Variants in CHM observed in about 807,000 individuals in gnomAD.
The protein encoded by CHM is CHM Rab escort protein.
In CHM, 10 loss-of-function variants were observed where a neutral mutation model predicts 49.0. The observed-to-expected ratio is 0.20, with a 90% confidence interval of 0.13 to 0.35. The LOEUF is 0.35. Among genes scored for constraint, CHM ranks in the 10% least tolerant of loss-of-function variants. CHM has a pLI of 1.00. For synonymous variants in CHM, 184 were observed against 167.5 expected (o/e 1.10, Z -0.76); for missense variants, 455 against 478.4 (o/e 0.95, Z 0.46).
At chrX:86,003,301 G>A (rs748420575) in intron 2 of CHM, among the ~76,000 whole-genome samples, 1 of 112,242 alleles carries the variant, frequency 8.9e-6, no homozygotes, top group African/African-American at 3.2e-5. Context: ...ACAAAGATGG[G>A]GAGAAAGCAG....
chrX:85,964,606 C>T (rs1190991848), intron 4 of CHM, among the ~76,000 whole-genome samples: 1 of 111,557 alleles, frequency 9.0e-6, no homozygotes, highest in Non-Finnish European at 1.9e-5. Flanking sequence ...CTGAGGAATT[C>T]CTGACTTGGT....
intron 4 of CHM, among the ~76,000 whole-genome samples, chrX:85,972,656 G>A (rs1001602020): frequency 1.8e-5 from 2 of 112,695 alleles, no homozygotes; most frequent in African/African-American, 6.4e-5. Flanking sequence ...CTCCGAGTGC[G>A]GGGCCCGCCA....
chrX:85,998,268 A>G (rs1026419107), intron 2 of CHM, among the ~76,000 whole-genome samples: 3 of 111,848 alleles, frequency 2.7e-5, no homozygotes, highest in Non-Finnish European at 3.8e-5. Flanking sequence ...CTATTATGGC[A>G]TATTTTCACT....
chrX:86,011,144 C>T (rs1005166423), intron 2 of CHM, among the ~76,000 whole-genome samples: 8 of 111,462 alleles, frequency 7.2e-5, no homozygotes, highest in African/African-American at 2.6e-4. Flanking sequence ...GATATATAGA[C>T]ATATAAGACA....
intron 11 of CHM, 86 bp downstream of exon 11, chrX:85,900,560 T>A: frequency 1.7e-6 from 1 of 590,050 alleles, no homozygotes; most frequent in Non-Finnish European, 2.9e-6. Flanking sequence ...TTAGCTTGAG[T>A]GTAGTGATTA....
intron 2 of CHM, among the ~76,000 whole-genome samples, chrX:86,007,979 T>G (rs899997366): frequency 1.8e-5 from 2 of 112,219 alleles, no homozygotes; most frequent in Non-Finnish European, 3.8e-5. Flanking sequence ...GTGGCACTAT[T>G]CACAATAGCA....
intron 2 of CHM, among the ~76,000 whole-genome samples, chrX:86,025,945 A>G (rs1301371411): frequency 9.1e-6 from 1 of 110,452 alleles, no homozygotes; most frequent in Non-Finnish European, 1.9e-5. Context: ...GTGCAAGCTC[A>G]ACAAACAATA....
intron 2 of CHM, among the ~76,000 whole-genome samples, chrX:86,025,220 TATA>T: frequency 8.9e-6 from 1 of 112,068 alleles, no homozygotes; most frequent in Middle Eastern, 4.6e-3. Context: ...TTTATTATAC[TATA>T]ATGTCTTAAG....
At chrX:85,939,975 GA>G (rs776196752) in intron 8 of CHM, among the ~76,000 whole-genome samples, 15 of 111,606 alleles carry the variant, frequency 1.3e-4, no homozygotes, top group African/African-American at 4.9e-4. Flanking sequence ...CTACTATAAA[GA>G]ACTACCTGAG....
At chrX:85,956,936 A>G (rs1358053983) in intron 7 of CHM, among the ~76,000 whole-genome samples, 1 of 112,020 alleles carries the variant, frequency 8.9e-6, no homozygotes, top group African/African-American at 3.2e-5. Context: ...AACCAAGAAC[A>G]GAATATAATG....
intron 9 of CHM, among the ~76,000 whole-genome samples, 162 bp downstream of exon 9, chrX:85,911,099 C>T (rs1926900844): frequency 2.0e-5 from 1 of 50,450 alleles, no homozygotes; most frequent in African/African-American, 7.4e-5. Flanking sequence ...GCATTTTTCA[C>T]TTGTGTTTGG....
intron 2 of CHM, among the ~76,000 whole-genome samples, chrX:86,017,491 CTGATGGT>C (rs1276137174): frequency 9.0e-6 from 1 of 111,450 alleles, no homozygotes; most frequent in East Asian, 2.8e-4. Context: ...CTCACGAGAT[CTGATGGT>C]TTTAGCAGGC....
intron 2 of CHM, among the ~76,000 whole-genome samples, chrX:85,994,215 C>A (rs1473800356): frequency 8.9e-6 from 1 of 112,271 alleles, no homozygotes; most frequent in Non-Finnish European, 1.9e-5. Context: ...CTCTAAAACT[C>A]ATTTTCTTTA....
At chrX:86,025,686 A>AAAAG (rs1336819095) in intron 2 of CHM, among the ~76,000 whole-genome samples, 3 of 104,082 alleles carry the variant, frequency 2.9e-5, no homozygotes, top group Non-Finnish European at 5.8e-5. Flanking sequence ...CAAAAAAAAA[A>AAAAG]AAAGAAAGAA....
intron 8 of CHM, among the ~76,000 whole-genome samples, chrX:85,939,415 C>A (rs759486673): frequency 3.7e-4 from 41 of 112,173 alleles, no homozygotes; most frequent in Non-Finnish European, 6.2e-4. Context: ...ATATTTCTTC[C>A]ATATCAAAGA....
At chrX:86,025,837 T>C (rs765701827) in intron 2 of CHM, among the ~76,000 whole-genome samples, 195 of 111,042 alleles carry the variant, frequency 1.8e-3, no homozygotes, top group Admixed American at 3.2e-3. Flanking sequence ...ACATTCCCCA[T>C]TTGTCAAATT....
At chrX:85,937,857 A>C (rs1267777442) in intron 8 of CHM, among the ~76,000 whole-genome samples, 1 of 109,534 alleles carries the variant, frequency 9.1e-6, no homozygotes, top group African/African-American at 3.3e-5. Context: ...AAAAAAAAAA[A>C]GGAAATTAAA....
At chrX:86,022,790 T>G (rs751753277) in intron 2 of CHM, among the ~76,000 whole-genome samples, 1 of 111,350 alleles carries the variant, frequency 9.0e-6, no homozygotes, top group Admixed American at 9.6e-5. Context: ...GGTATGTCAC[T>G]GGTACCTCAA....
intron 8 of CHM, among the ~76,000 whole-genome samples, chrX:85,955,160 A>G (rs774690676): frequency 8.9e-6 from 1 of 111,886 alleles, no homozygotes; most frequent in African/African-American, 3.2e-5. Context: ...GTAGTTAGAA[A>G]GAATGAATAA....
Sources: gnomAD v4.1 joint callset for allele counts (sites outside exome capture counted in the v4.1 genomes callset) on GRCh38, gnomAD v4.1.1 for gene constraint, MANE v1.5 for transcripts, NCBI Gene and HGNC (gene_info 2026-07-23, HGNC 2026-07-21) for gene names.